OR10R2: variants seen among roughly 807,000 people sequenced by gnomAD.
The protein encoded by OR10R2 is olfactory receptor family 10 subfamily R member 2.
A neutral mutation model predicts 2.4 loss-of-function variants in OR10R2; 1 was observed. The observed-to-expected ratio is 0.41, with a 90% CI of 0.15 to 1.95. The LOEUF is 1.95. Among genes scored for constraint, OR10R2 ranks in the 30% most tolerant of loss-of-function variants. The pLI is 0.30. For synonymous variants in OR10R2, 166 were observed against 144.8 expected, an observed-to-expected ratio of 1.15 and a Z score of -1.05; for missense variants, 419 against 373.0, an observed-to-expected ratio of 1.12 and a Z score of -1.01.
exon 2 of OR10R2, chr1:158,480,123 C>T: frequency 6.2e-7 from 1 of 1,613,870 alleles, no homozygotes; most frequent in Non-Finnish European, 8.5e-7. Context: ...TGTACTTCTT[C>T]CTTGGCATTC....
chr1:158,479,015 G>A (rs1224598235), intron 1 of OR10R2, among the ~76,000 whole-genome samples: 1 of 152,074 alleles, frequency 6.6e-6, no homozygotes, highest in African/African-American at 2.4e-5. Flanking sequence ...GGCATTACTA[G>A]AGTGGTAAAC....
intron 1 of OR10R2, among the ~76,000 whole-genome samples, chr1:158,478,016 T>A (rs1656303330): frequency 6.6e-6 from 1 of 151,992 alleles, no homozygotes; most frequent in Non-Finnish European, 1.5e-5. Flanking sequence ...CCTACAACCA[T>A]CTGATCTTCA....
exon 1 of OR10R2, chr1:158,472,346 C>G: frequency 1.0e-5 from 4 of 398,876 alleles, no homozygotes; most frequent in Non-Finnish European, 1.3e-5. Context: ...TTCTGGGGAG[C>G]GAAGTAGTAA....
In OR10R2 at chr1:158,480,696, C is replaced by T. The variant is rs142540303; in HGVS notation, c.786C>T (p.Gly262=). The T allele has an allele frequency of 7.4e-6, 12 of 1,613,388 alleles. No individual in the cohort carries two copies. In the East Asian group the frequency reaches 1.1e-4, roughly 15 times the overall value. The change falls in exon 2 of 2, where the codon GGC becomes GGT. Residue 262 remains glycine, a synonymous_variant. Coordinates refer to ENST00000641067, the Ensembl canonical transcript of OR10R2. ...TCAGTGTTGTTATTGTTCATTATGG[C>T]TGTGCTTCCTTCATCTACCTGAGGC...
At chr1:158,475,896 G>A (rs1375311768) in intron 1 of OR10R2, among the ~76,000 whole-genome samples, 7 of 151,802 alleles carry the variant, frequency 4.6e-5, no homozygotes, top group Admixed American at 4.6e-4. Context: ...TATTTAAAAT[G>A]TATTAAAGAT....
At chr1:158,479,965 A>G (rs1656348680) in exon 2 of OR10R2, 2 of 1,613,956 alleles carry the variant, frequency 1.2e-6, no homozygotes, top group South Asian at 1.1e-5. Flanking sequence ...CACCATGGTC[A>G]CCGAATTCCT....
intron 1 of OR10R2, chr1:158,474,618 G>A (rs1656237435): frequency 6.6e-6 from 1 of 152,154 alleles, no homozygotes; most frequent in Non-Finnish European, 1.5e-5. Context: ...AAGATGTTAT[G>A]AATCAGTTGG....
chr1:158,479,898 C>A, intron 1 of OR10R2, 40 bp from the exon 2 acceptor site: 1 of 1,609,984 alleles, frequency 6.2e-7, no homozygotes, highest in Non-Finnish European at 8.5e-7. Context: ...TTCTTATATT[C>A]ACATACCTGA....
At chr1:158,479,961 G>A (rs773218942) in exon 2 of OR10R2, 6 of 1,613,754 alleles carry the variant, frequency 3.7e-6, no homozygotes, top group South Asian at 3.3e-5. Flanking sequence ...ACCTCACCAT[G>A]GTCACCGAAT....
chr1:158,473,860 CTTTCCCTCTCTGCTTCCTT>C, intron 1 of OR10R2, among the ~76,000 whole-genome samples: 3 of 135,308 alleles, frequency 2.2e-5, no homozygotes, highest in African/African-American at 1.0e-4. Context: ...CTCCTTCCCT[CTTTCCCTCTCTGCTTCCTT>C]CCTCCCTCCT....
chr1:158,475,237 T>C (rs1656249106), intron 1 of OR10R2, among the ~76,000 whole-genome samples: 1 of 152,148 alleles, frequency 6.6e-6, no homozygotes, highest in Admixed American at 6.6e-5. Context: ...GTTACAATTT[T>C]CAATTTTTCC....
exon 2 of OR10R2, chr1:158,480,199 G>C (rs1656361635): frequency 6.2e-7 from 1 of 1,613,894 alleles, no homozygotes; most frequent in Non-Finnish European, 8.5e-7. Context: ...TCTACTTTCT[G>C]TGGCCAGGAC....
At chr1:158,478,291 C>A (rs1310281860) in intron 1 of OR10R2, among the ~76,000 whole-genome samples, 5 of 152,012 alleles carry the variant, frequency 3.3e-5, no homozygotes, top group Non-Finnish European at 7.4e-5. Context: ...GTAGCAAAAA[C>A]AAAAATTCAT....
At chr1:158,480,077 G>C (rs746323353) in exon 2 of OR10R2, 2 of 1,613,752 alleles carry the variant, frequency 1.2e-6, no homozygotes, top group South Asian at 2.2e-5. Flanking sequence ...ACCATTATCA[G>C]TGTCATCCAC....
rs376349210 is a variant in OR10R2, at chr1:158,472,336, T to C, written c.11T>C (p.Val4Ala). The change falls in exon 1 of 2, where the codon GTT (valine) becomes GCT (alanine). Residue 4 changes from valine (V) to alanine (A), a missense_variant. Val to Ala is a moderately conservative substitution (Grantham distance 64, BLOSUM62 0). Transcript: ENST00000641067. ...TACAGAAGAGGCACAATGACCACTG[T>C]TCTGGGGAGCGAAGTAGTAAGTCAT... 124 of 399,066 alleles carry C rather than the reference T, an allele frequency of 3.1e-4. 2 individuals carry two copies. In the South Asian group the frequency reaches 0.015, roughly 48 times the overall value. The allele number at this position is 399,066 out of a possible 1,614,324, so 24.7% of individuals were successfully genotyped here.
At chr1:158,480,766 A>T (rs1250052053) in exon 2 of OR10R2, 1 of 1,613,806 alleles carries the variant, frequency 6.2e-7, no homozygotes, top group Admixed American at 1.7e-5. Flanking sequence ...GGTGACGGTG[A>T]CATACACGAT....
At chr1:158,480,894 T>TTTAGATTTAGAATCTAAATA (rs772717592) in exon 2 of OR10R2, 9 of 1,181,202 alleles carry the variant, frequency 7.6e-6, no homozygotes, top group Non-Finnish European at 1.1e-5. Context: ...GAAATATTAT[T>TTTAGATTTAGAATCTAAATA]ACATTTTAGA....
chr1:158,472,961 C>A (rs1287057143), intron 1 of OR10R2, among the ~76,000 whole-genome samples: 1 of 152,028 alleles, frequency 6.6e-6, no homozygotes, highest in Non-Finnish European at 1.5e-5. Flanking sequence ...TTATAACATC[C>A]CATATTACAG....
intron 1 of OR10R2, among the ~76,000 whole-genome samples, chr1:158,476,629 T>C (rs1656277839): frequency 6.6e-6 from 1 of 151,872 alleles, no homozygotes; most frequent in African/African-American, 2.4e-5. Flanking sequence ...TTTAAGTATA[T>C]AGGATAAATG....
Sources: allele counts gnomAD v4.1 joint callset (sites outside exome capture counted in the v4.1 genomes callset), GRCh38; gene constraint gnomAD v4.1.1; transcripts MANE v1.5; gene names NCBI Gene and HGNC (gene_info 2026-07-23, HGNC 2026-07-21).